Variants in KHDRBS2 observed in about 807,000 individuals in gnomAD.
KHDRBS2 encodes the protein KH domain-containing, RNA-binding, signal transduction-associated protein 2.
In KHDRBS2, 26 loss-of-function variants were observed where a neutral mutation model predicts 44.3. That is an observed-to-expected ratio of 0.59 (90% CI 0.43 to 0.81). The LOEUF (loss-of-function observed/expected upper bound fraction) is 0.81, where lower values mean the gene tolerates loss of function less well. Among genes scored for constraint, KHDRBS2 ranks in the 40% least tolerant of loss-of-function variants. The probability of loss-of-function intolerance (pLI) is 0.00; values close to 1 mark genes in which losing one functional copy is unlikely to be tolerated. For synonymous variants in KHDRBS2, 194 were observed against 151.1 expected, an observed-to-expected ratio of 1.28 and a Z score of -2.08; for missense variants, 476 against 433.1, an observed-to-expected ratio of 1.10 and a Z score of -0.88.
intron 8 of KHDRBS2, among the ~76,000 whole-genome samples, chr6:61,681,302 C>T (rs999491527): frequency 6.6e-6 from 1 of 151,678 alleles, no homozygotes; most frequent in Non-Finnish European, 1.5e-5. Context: ...AATGTAAACC[C>T]CTGCCCATAA....
intron 6 of KHDRBS2, among the ~76,000 whole-genome samples, chr6:61,873,473 C>A (rs1298606957): frequency 6.6e-6 from 1 of 151,582 alleles, no homozygotes; most frequent in Non-Finnish European, 1.5e-5. Context: ...GATTAGTTGG[C>A]AAAACGTGGA....
intron 2 of KHDRBS2, among the ~76,000 whole-genome samples, chr6:62,172,760 T>C (rs1411816428): frequency 1.1e-5 from 1 of 93,248 alleles, no homozygotes; most frequent in Non-Finnish European, 2.1e-5. Context: ...CACAGCACAA[T>C]AAAAATACAT....
intron 4 of KHDRBS2, among the ~76,000 whole-genome samples, chr6:61,954,967 CGCAT>C (rs1562515278): frequency 9.2e-5 from 12 of 129,968 alleles, no homozygotes; most frequent in African/African-American, 2.9e-4. Flanking sequence ...TGTATATATA[CGCAT>C]ACATATGTAT....
chr6:61,862,304 C>G, intron 6 of KHDRBS2, among the ~76,000 whole-genome samples: 1 of 152,162 alleles, frequency 6.6e-6, no homozygotes, highest in Non-Finnish European at 1.5e-5. Flanking sequence ...TTTGTATACC[C>G]TTTATTTCTT....
intron 4 of KHDRBS2, among the ~76,000 whole-genome samples, chr6:61,906,631 A>G (rs1230065820): frequency 2.0e-5 from 3 of 152,220 alleles, no homozygotes; most frequent in African/African-American, 4.8e-5. Context: ...TAGCTCTCAC[A>G]TATGAGTGAG....
At chr6:61,724,338 A>G (rs879398443) in intron 7 of KHDRBS2, among the ~76,000 whole-genome samples, 3 of 152,088 alleles carry the variant, frequency 2.0e-5, no homozygotes, top group Non-Finnish European at 2.9e-5. Flanking sequence ...GAAAGAAAAA[A>G]CCATTACCAG....
intron 6 of KHDRBS2, among the ~76,000 whole-genome samples, chr6:61,852,987 T>G (rs1795673893): frequency 6.6e-6 from 1 of 152,180 alleles, no homozygotes; most frequent in Admixed American, 6.5e-5. Flanking sequence ...TATGGCCCTG[T>G]TTCCTCCATC....
At chr6:61,677,902 C>G (rs1363580284), downstream of KHDRBS2, among the ~76,000 whole-genome samples, 1 of 151,866 alleles carries the variant, frequency 6.6e-6, no homozygotes, top group African/African-American at 2.4e-5. Context: ...TCCACTCCAC[C>G]TCATATCTCT....
chr6:61,994,184 T>C (rs1776740910), intron 3 of KHDRBS2, among the ~76,000 whole-genome samples: 1 of 152,184 alleles, frequency 6.6e-6, no homozygotes, highest in Non-Finnish European at 1.5e-5. Flanking sequence ...TCAGGAATTC[T>C]AATAAAGCCT....
intron 3 of KHDRBS2, among the ~76,000 whole-genome samples, chr6:62,029,214 T>C (rs1783908915): frequency 6.6e-6 from 1 of 151,926 alleles, no homozygotes; most frequent in Middle Eastern, 3.2e-3. Flanking sequence ...TAACAAAAAT[T>C]CATGGCAAAA....
chr6:61,613,942 T>C, the KHDRBS2 span, among the ~76,000 whole-genome samples: 1 of 152,228 alleles, frequency 6.6e-6, no homozygotes, highest in Non-Finnish European at 1.5e-5. Context: ...GCCTACTGCA[T>C]GACTAAATCA....
intron 2 of KHDRBS2, among the ~76,000 whole-genome samples, chr6:62,062,543 A>C (rs2127328935): frequency 6.6e-6 from 1 of 151,960 alleles, no homozygotes; most frequent in East Asian, 2.0e-4. Context: ...GTACATAACA[A>C]AATGAAGGCA....
intron 1 of KHDRBS2, among the ~76,000 whole-genome samples, chr6:62,261,331 G>A (rs1191525111): frequency 1.3e-5 from 2 of 151,768 alleles, no homozygotes; most frequent in African/African-American, 4.8e-5. Flanking sequence ...GTTCTGCACT[G>A]GAAGATTATA....
chr6:61,904,402 C>T (rs564931589), intron 4 of KHDRBS2, among the ~76,000 whole-genome samples: 1 of 152,104 alleles, frequency 6.6e-6, no homozygotes, highest in Non-Finnish European at 1.5e-5. Flanking sequence ...AGCAAAGCAA[C>T]TAATATAATG....
intron 1 of KHDRBS2, among the ~76,000 whole-genome samples, chr6:62,262,173 T>A (rs1196385249): frequency 1.3e-5 from 2 of 151,706 alleles, no homozygotes; most frequent in African/African-American, 4.8e-5. Flanking sequence ...TTTCCACTTA[T>A]CTTTGAACTT....
intron 6 of KHDRBS2, among the ~76,000 whole-genome samples, chr6:61,840,054 C>A (rs1793365229): frequency 6.6e-6 from 1 of 151,924 alleles, no homozygotes; most frequent in South Asian, 2.1e-4. Context: ...TATTTGTCTT[C>A]AATTATTACT....
rs191450655 is a variant in KHDRBS2, at chr6:61,901,405, T to C, written c.484-34A>G. 76 of 1,565,784 alleles carry C rather than the reference T, an allele frequency of 4.9e-5. No individual in the cohort carries two copies. The East Asian group carries it at 1.3e-3, about 27-fold the overall frequency. On this transcript the variant is annotated intron_variant, in intron 4 of 8. Transcript: ENST00000281156. ...AAAACATGATGTGATGAGTTAAAAA[T>C]GGGACATGCCGTTCTCAGAGTTGGA...
At chr6:61,713,089 C>A (rs966982437) in intron 7 of KHDRBS2, among the ~76,000 whole-genome samples, 1 of 151,086 alleles carries the variant, frequency 6.6e-6, no homozygotes, top group African/African-American at 2.4e-5. Context: ...ATTTTTGGCC[C>A]AGATGTCACA....
At chr6:62,179,107 G>A (rs1404621086) in intron 1 of KHDRBS2, among the ~76,000 whole-genome samples, 2 of 151,298 alleles carry the variant, frequency 1.3e-5, no homozygotes, top group Admixed American at 6.6e-5. Flanking sequence ...ATTTCAATTA[G>A]TAATCTTTTC....
Sources: gnomAD v4.1 joint callset for allele counts (sites outside exome capture counted in the v4.1 genomes callset) on GRCh38, gnomAD v4.1.1 for gene constraint, MANE v1.5 for transcripts, NCBI Gene and HGNC (gene_info 2026-07-23, HGNC 2026-07-21) for gene names.